WAC: variants seen among roughly 807,000 people sequenced by gnomAD.
The protein encoded by WAC is WW domain containing adaptor with coiled-coil.
A neutral mutation model predicts 79.6 loss-of-function variants in WAC; 11 were observed. The ratio of observed to expected loss-of-function variants is 0.14; its 90% CI spans 0.09 to 0.23. The LOEUF (loss-of-function observed/expected upper bound fraction) is 0.23, where lower values mean the gene tolerates loss of function less well. Among genes scored for constraint, WAC ranks in the 10% least tolerant of loss-of-function variants. The probability of loss-of-function intolerance (pLI) is 1.00; values close to 1 mark genes in which losing one functional copy is unlikely to be tolerated. For synonymous variants in WAC, 304 were observed against 276.9 expected (o/e 1.10, Z -0.97); for missense variants, 728 against 773.5 (o/e 0.94, Z 0.70).
intron 3 of WAC, among the ~76,000 whole-genome samples, chr10:28,583,093 T>C (rs1589195658): frequency 1.3e-5 from 2 of 152,122 alleles, no homozygotes; most frequent in South Asian, 4.1e-4. Flanking sequence ...AGTAAAACTT[T>C]AAGAAAACCC....
chr10:28,548,612 T>C (rs1180133746), intron 3 of WAC, among the ~76,000 whole-genome samples: 1 of 152,202 alleles, frequency 6.6e-6, no homozygotes, highest in East Asian at 1.9e-4. Flanking sequence ...CTCTTGAGAA[T>C]TTGGGTTATT....
chr10:28,537,800 C>T (rs1007368749), intron 3 of WAC: 1 of 152,154 alleles, frequency 6.6e-6, no homozygotes, highest in Non-Finnish European at 1.5e-5. Context: ...CATTTTTCTA[C>T]CTGTATGAAC....
At chr10:28,614,040 AAGTAAC>A (rs1482989204) in intron 10 of WAC, among the ~76,000 whole-genome samples, 3 of 152,254 alleles carry the variant, frequency 2.0e-5, no homozygotes, top group Non-Finnish European at 2.9e-5. Context: ...ATTGATATAA[AAGTAAC>A]AGTAAATCAG....
At chr10:28,572,671 C>T (rs1252921161) in intron 3 of WAC, among the ~76,000 whole-genome samples, 1 of 151,852 alleles carries the variant, frequency 6.6e-6, no homozygotes, top group Non-Finnish European at 1.5e-5. Flanking sequence ...ATTAGCCTGG[C>T]GTGGTAGTGG....
chr10:28,534,157 C>T (rs1836477307), intron 2 of WAC, 123 bp downstream of exon 2: 1 of 930,766 alleles, frequency 1.1e-6, no homozygotes. Context: ...CTGAAACTAG[C>T]ACCGCGGATC....
intron 7 of WAC, among the ~76,000 whole-genome samples, chr10:28,607,865 AAT>A (rs1453886877): frequency 6.6e-6 from 1 of 152,222 alleles, no homozygotes; most frequent in East Asian, 1.9e-4. Flanking sequence ...GTTAATAAAT[AAT>A]TATCTTTGAG....
chr10:28,581,364 G>A (rs1387972835), intron 3 of WAC, among the ~76,000 whole-genome samples: 1 of 145,808 alleles, frequency 6.9e-6, no homozygotes, highest in Admixed American at 7.1e-5. Context: ...CGGGACTAGT[G>A]CAAGCCACTG....
intron 3 of WAC, among the ~76,000 whole-genome samples, chr10:28,562,771 A>T (rs1275337999): frequency 6.6e-6 from 1 of 152,216 alleles, no homozygotes; most frequent in African/African-American, 2.4e-5. Context: ...AATGACAGTG[A>T]TAGAATGAAA....
In WAC at chr10:28,617,645, C is replaced by G. The variant is rs759820438; in HGVS notation, c.1747-12C>G. 1 of 1,539,844 alleles carries G rather than the reference C, an allele frequency of 6.5e-7. No individual in the cohort carries two copies. Among genetic ancestry groups the G allele is most frequent in the Non-Finnish European group, 8.7e-7 (1 of 1,153,582 alleles). On this transcript the variant is annotated splice_polypyrimidine_tract_variant and intron_variant, in intron 12 of 13. Transcript: ENST00000354911. ...TTTATATTTTATGTTTTCTTCATTT[C>G]TTTAATTACAGGCATCAAGATTACG...
chr10:28,588,333 G>T (rs984608331), intron 4 of WAC, among the ~76,000 whole-genome samples: 1 of 152,158 alleles, frequency 6.6e-6, no homozygotes, highest in Non-Finnish European at 1.5e-5. Context: ...GTGTGAGGGC[G>T]CAGGGCTGCT....
At chr10:28,537,895 T>A (rs1328705324) in intron 3 of WAC, among the ~76,000 whole-genome samples, 1 of 152,212 alleles carries the variant, frequency 6.6e-6, no homozygotes, top group South Asian at 2.1e-4. Context: ...AACTTGATGT[T>A]TTTCTGATCT....
At chr10:28,559,942 G>T (rs960997386) in intron 3 of WAC, among the ~76,000 whole-genome samples, 1 of 152,180 alleles carries the variant, frequency 6.6e-6, no homozygotes, top group Non-Finnish European at 1.5e-5. Context: ...AAGGATTTTG[G>T]TTTTTCCTCT....
chr10:28,565,824 A>G (rs1331857766), intron 3 of WAC, among the ~76,000 whole-genome samples: 1 of 152,160 alleles, frequency 6.6e-6, no homozygotes, highest in Non-Finnish European at 1.5e-5. Context: ...TAACAAATAC[A>G]CTTCTTGTTT....
intron 3 of WAC, among the ~76,000 whole-genome samples, chr10:28,576,725 T>C (rs1353229484): frequency 1.3e-5 from 2 of 152,226 alleles, no homozygotes; most frequent in African/African-American, 4.8e-5. Flanking sequence ...TAATGCCCAG[T>C]AGGCATCCCT....
intron 9 of WAC, 132 bp downstream of exon 9, chr10:28,610,953 T>A: frequency 9.5e-7 from 1 of 1,054,940 alleles, no homozygotes; most frequent in Non-Finnish European, 1.3e-6. Context: ...TACAATAATT[T>A]TGTTTTTTTT....
In WAC at chr10:28,603,943, ATATATATATGTATGTATGTAT is replaced by A. The variant is rs1388072265; in HGVS notation, c.920-4242_920-4222del. ...AGCAAGACTCCGTCTCAAAAAAAAA[ATATATATATGTATGTATGTAT>A]ATATATATATATATATATATATATG... On this transcript the variant is annotated intron_variant, in intron 7 of 13. Transcript: ENST00000354911. Among the ~76,000 whole-genome samples the A allele has an allele frequency of 5.1e-5, 2 of 38,968 alleles. 1 individual carries two copies. Among genetic ancestry groups the A allele is most frequent in the Non-Finnish European group, 1.0e-4 (2 of 20,078 alleles). The allele number at this position is 38,968 out of a possible 152,430, so 25.6% of individuals were successfully genotyped here. A position where few individuals can be genotyped will look rare whatever the true frequency, so the allele number is the denominator to read the frequency against.
At chr10:28,590,245 A>T (rs1245703829) in intron 5 of WAC, among the ~76,000 whole-genome samples, 2 of 149,958 alleles carry the variant, frequency 1.3e-5, no homozygotes, top group African/African-American at 2.5e-5. Context: ...CTAAGAGGCC[A>T]AAGCTGCAGT....
At chr10:28,598,753 A>T (rs1840497971) in intron 7 of WAC, among the ~76,000 whole-genome samples, 1 of 152,242 alleles carries the variant, frequency 6.6e-6, no homozygotes, top group East Asian at 1.9e-4. Flanking sequence ...CATCTATGTC[A>T]GTTCGGACGC....
chr10:28,589,788 A>G lies in WAC; in HGVS notation c.434A>G (p.Lys145Arg), dbSNP rs1332881839. Residue 145 changes from lysine (K) to arginine (R), a missense_variant, in exon 5 of 14, where the codon AAG becomes AGG. By Grantham distance (26) the Lys-to-Arg change is conservative. This residue lies in a region of WAC where 648 missense variants were observed against 661.5 expected (regional missense o/e 0.98). Coordinates refer to ENST00000354911, the MANE Select transcript of WAC (RefSeq NM_016628.5). ...WSEHISSSGK[K>R]YYYNCRTEVS... Reference sequence around the variant, plus strand: ...GAGCATATTAGCTCTTCTGGGAAAAAGTACTACTACAATTGTCGAACAGAA... The same window carrying G: ...GAGCATATTAGCTCTTCTGGGAAAAGGTACTACTACAATTGTCGAACAGAA... 1 of 1,613,946 alleles carries G rather than the reference A, an allele frequency of 6.2e-7. No individual in the cohort carries two copies. The highest frequency in any genetic ancestry group is 1.1e-5 in the South Asian group (1 of 91,080).
Sources: allele counts gnomAD v4.1 joint callset (sites outside exome capture counted in the v4.1 genomes callset), GRCh38; gene constraint gnomAD v4.1.1; regional missense constraint gnomAD v4.1.1; transcripts MANE v1.5; gene names NCBI Gene and HGNC (gene_info 2026-07-23, HGNC 2026-07-21).